L3MBTL4: variants seen among roughly 807,000 people sequenced by gnomAD.
The protein encoded by L3MBTL4 is lethal(3)malignant brain tumor-like protein 4.
L3MBTL4 carries 70 observed loss-of-function variants against 84.5 expected under a neutral mutation model. The ratio of observed to expected loss-of-function variants is 0.83; its 90% confidence interval spans 0.68 to 1.01. The LOEUF (loss-of-function observed/expected upper bound fraction) is 1.01. L3MBTL4 is among the 50% of genes least tolerant of loss of function. The probability of loss-of-function intolerance (pLI) is 0.00; values close to 1 mark genes in which losing one functional copy is unlikely to be tolerated. For missense variants in L3MBTL4, 715 were observed against 754.8 expected (o/e 0.95, Z 0.62); for synonymous variants, 274 against 259.8 (o/e 1.05, Z -0.52).
At chr18:5,964,395 G>A (rs1411315961) in intron 17 of L3MBTL4, among the ~76,000 whole-genome samples, 2 of 152,150 alleles carry the variant, frequency 1.3e-5, no homozygotes, top group African/African-American at 4.8e-5. Context: ...TCCAAATGCT[G>A]GTGTTCTCTA....
At chr18:6,396,517 G>C in intron 1 of L3MBTL4, 1 of 152,330 alleles carries the variant, frequency 6.6e-6, no homozygotes, top group Middle Eastern at 3.4e-3. Flanking sequence ...AGGTTCAAGA[G>C]GGTATGGATT....
intron 16 of L3MBTL4, chr18:6,030,245 C>G (rs1456044677): frequency 1.1e-6 from 1 of 945,474 alleles, no homozygotes; most frequent in African/African-American, 1.8e-5. Context: ...GGATCAGGTT[C>G]AGGGAGAGAT....
intron 16 of L3MBTL4, among the ~76,000 whole-genome samples, chr18:5,990,550 T>C (rs1049660259): frequency 2.0e-5 from 3 of 152,160 alleles, no homozygotes; most frequent in African/African-American, 7.2e-5. Flanking sequence ...ATCATATATA[T>C]GAAAAAGGGC....
At chr18:6,040,884 A>T (rs2056371572) in intron 16 of L3MBTL4, among the ~76,000 whole-genome samples, 1 of 152,212 alleles carries the variant, frequency 6.6e-6, no homozygotes, top group African/African-American at 2.4e-5. Flanking sequence ...TTAAGTCAAC[A>T]TAATAATATA....
Position 6,244,955 on chromosome 18 carries a change from G to C in L3MBTL4, c.220-367C>G, listed in dbSNP as rs539386067. Among the ~76,000 whole-genome samples, 21 of 152,220 alleles carry C rather than the reference G, an allele frequency of 1.4e-4. No individual in the cohort carries two copies. The East Asian group carries it at 3.7e-3, about 27-fold the overall frequency. On this transcript the variant is annotated intron_variant, in intron 5 of 18. Transcript: ENST00000317931. ...AGAATTTTTTTTGAGATGGACTCTTGCTGGAGTGTATTGGCACGATCTTGG... is the reference window on the plus strand; with the variant it reads ...AGAATTTTTTTTGAGATGGACTCTTCCTGGAGTGTATTGGCACGATCTTGG...
At chr18:6,292,672 G>A (rs770151853) in intron 4 of L3MBTL4, among the ~76,000 whole-genome samples, 1 of 152,170 alleles carries the variant, frequency 6.6e-6, no homozygotes, top group Non-Finnish European at 1.5e-5. Context: ...TTGATCAAAA[G>A]GGGGAAATGT....
intron 16 of L3MBTL4, among the ~76,000 whole-genome samples, chr18:5,985,953 G>C (rs2053444851): frequency 6.6e-6 from 1 of 152,168 alleles, no homozygotes; most frequent in African/African-American, 2.4e-5. Flanking sequence ...GCAACAGCAG[G>C]TATGACTCTG....
intron 16 of L3MBTL4, among the ~76,000 whole-genome samples, chr18:6,007,626 C>T (rs1429025663): frequency 6.6e-6 from 1 of 152,168 alleles, no homozygotes; most frequent in East Asian, 1.9e-4. Context: ...CCTACTAGCA[C>T]ATGTGCAAAA....
At chr18:6,174,004 A>G (rs2145234097) in intron 12 of L3MBTL4, among the ~76,000 whole-genome samples, 1 of 152,252 alleles carries the variant, frequency 6.6e-6, no homozygotes, top group East Asian at 1.9e-4. Context: ...CTGAGACACC[A>G]CAAAGTTCAC....
At chr18:6,335,960 A>G (rs545755913) in intron 1 of L3MBTL4, among the ~76,000 whole-genome samples, 1 of 152,240 alleles carries the variant, frequency 6.6e-6, no homozygotes, top group East Asian at 1.9e-4. Flanking sequence ...GTATGTAGTC[A>G]CTCCTTAATT....
intron 16 of L3MBTL4, among the ~76,000 whole-genome samples, chr18:6,027,926 C>G (rs575509): frequency 0.29 from 43,732 of 151,928 alleles, 7,573 homozygotes; most frequent in African/African-American, 0.44. Flanking sequence ...CTTGTAAATT[C>G]TGGATATTAG....
chr18:6,140,365 G>A (rs549697369), intron 13 of L3MBTL4, among the ~76,000 whole-genome samples: 1 of 152,220 alleles, frequency 6.6e-6, no homozygotes, highest in African/African-American at 2.4e-5. Flanking sequence ...TGGCGCGAAG[G>A]TGGGAAAGAG....
intron 14 of L3MBTL4, among the ~76,000 whole-genome samples, chr18:6,115,572 T>C (rs992378385): frequency 6.6e-6 from 1 of 152,176 alleles, no homozygotes; most frequent in East Asian, 1.9e-4. Flanking sequence ...GCGATGCTCA[T>C]TGGACAGTTG....
intron 5 of L3MBTL4, among the ~76,000 whole-genome samples, chr18:6,254,616 A>G (rs1246645146): frequency 6.6e-6 from 1 of 152,066 alleles, no homozygotes; most frequent in Non-Finnish European, 1.5e-5. Context: ...TGAACTTAGA[A>G]TCCTAAACTG....
intron 4 of L3MBTL4, among the ~76,000 whole-genome samples, chr18:6,285,192 C>A (rs1423483933): frequency 6.6e-6 from 1 of 152,142 alleles, no homozygotes; most frequent in Non-Finnish European, 1.5e-5. Flanking sequence ...AGGGAGGCAG[C>A]CGGATGGTGG....
At chr18:6,250,230 A>C (rs1043652159) in intron 5 of L3MBTL4, among the ~76,000 whole-genome samples, 2 of 152,214 alleles carry the variant, frequency 1.3e-5, no homozygotes, top group Admixed American at 1.3e-4. Flanking sequence ...AGCAGGTACA[A>C]ATTATATACT....
At chr18:5,968,061 ACACT>A (rs1177419975) in intron 17 of L3MBTL4, among the ~76,000 whole-genome samples, 1 of 152,222 alleles carries the variant, frequency 6.6e-6, no homozygotes, top group Non-Finnish European at 1.5e-5. Flanking sequence ...CAGAGGAGAC[ACACT>A]CAGTGTCTCC....
chr18:6,009,945 C>G (rs1617037), intron 16 of L3MBTL4, among the ~76,000 whole-genome samples: 113,785 of 152,090 alleles, frequency 0.75, 43,134 homozygotes, highest in Non-Finnish European at 0.8. Flanking sequence ...GTCAGCTATG[C>G]ACTTAAGAAT....
At chr18:6,109,474 C>T (rs16949439) in intron 14 of L3MBTL4, among the ~76,000 whole-genome samples, 7,582 of 152,146 alleles carry the variant, frequency 0.05, 361 homozygotes, top group African/African-American at 0.13. Flanking sequence ...CTGTCCAGGA[C>T]GTCCCTGCCC....
Sources: gnomAD v4.1 joint callset for allele counts (sites outside exome capture counted in the v4.1 genomes callset) on GRCh38, gnomAD v4.1.1 for gene constraint, MANE v1.5 for transcripts, NCBI Gene and HGNC (gene_info 2026-07-23, HGNC 2026-07-21) for gene names.